TSHZ2: variants seen among roughly 807,000 people sequenced by gnomAD.
The protein encoded by TSHZ2 is teashirt homolog 2.
Under a neutral mutation model 74.4 loss-of-function variants are expected in TSHZ2, and 21 were observed. That is an observed-to-expected ratio of 0.28 (90% confidence interval 0.20 to 0.41). The LOEUF (loss-of-function observed/expected upper bound fraction) is 0.41, where lower values mean the gene tolerates loss of function less well. TSHZ2 is among the 10% of genes least tolerant of loss of function. TSHZ2 has a pLI of 1.00. For missense variants in TSHZ2, 1,244 were observed against 1,293.5 expected, an observed-to-expected ratio of 0.96 and a Z score of 0.59; for synonymous variants, 540 against 515.3, an observed-to-expected ratio of 1.05 and a Z score of -0.65.
At chr20:53,016,830 C>A (rs1362466429) in intron 1 of TSHZ2, among the ~76,000 whole-genome samples, 1 of 152,126 alleles carries the variant, frequency 6.6e-6, no homozygotes, top group Non-Finnish European at 1.5e-5. Context: ...CAGGTTGCAT[C>A]CCCATAAAGC....
intron 1 of TSHZ2, chr20:53,198,267 G>A (rs995586533): frequency 1.2e-4 from 19 of 152,130 alleles, no homozygotes; most frequent in Admixed American, 3.3e-4. Context: ...AGGTCATTAC[G>A]GGATTTTTGT....
chr20:53,232,828 A>G (rs1989858913), intron 1 of TSHZ2, among the ~76,000 whole-genome samples: 1 of 152,132 alleles, frequency 6.6e-6, no homozygotes, highest in Non-Finnish European at 1.5e-5. Flanking sequence ...TTTTTCATCC[A>G]TTCAACAATT....
At chr20:53,004,357 C>T (rs1010954691) in intron 1 of TSHZ2, among the ~76,000 whole-genome samples, 2 of 152,030 alleles carry the variant, frequency 1.3e-5, no homozygotes, top group African/African-American at 4.8e-5. Context: ...AAACTGATTC[C>T]CTAGTGAAGC....
chr20:53,169,130 G>A (rs1293849067), intron 1 of TSHZ2, among the ~76,000 whole-genome samples: 6 of 152,178 alleles, frequency 3.9e-5, no homozygotes, highest in Non-Finnish European at 1.5e-5. Context: ...TAAGTGGGAT[G>A]GATAGGTATC....
At chr20:53,453,717 A>G (rs1984917372) in intron 2 of TSHZ2, among the ~76,000 whole-genome samples, 1 of 152,202 alleles carries the variant, frequency 6.6e-6, no homozygotes, top group South Asian at 2.1e-4. Flanking sequence ...GTGACCACTC[A>G]TTTAGCCTCT....
chr20:53,168,239 A>T (rs1031994215), intron 1 of TSHZ2, among the ~76,000 whole-genome samples: 1 of 152,206 alleles, frequency 6.6e-6, no homozygotes, highest in Non-Finnish European at 1.5e-5. Flanking sequence ...ATATCGTCGG[A>T]CGTGTAGCCC....
intron 2 of TSHZ2, among the ~76,000 whole-genome samples, chr20:53,380,056 C>A (rs553779427): frequency 6.6e-6 from 1 of 151,918 alleles, no homozygotes; most frequent in East Asian, 1.9e-4. Context: ...GTTTACCCAG[C>A]GAAAGTAATT....
At chr20:53,113,506 C>G (rs6097238) in intron 1 of TSHZ2, among the ~76,000 whole-genome samples, 11,100 of 152,128 alleles carry the variant, frequency 0.073, 903 homozygotes, top group East Asian at 0.37. Flanking sequence ...TTGCTACTTG[C>G]CGATGCTGTG....
chr20:53,034,751 G>A (rs1983758649), intron 1 of TSHZ2, among the ~76,000 whole-genome samples: 1 of 152,226 alleles, frequency 6.6e-6, no homozygotes, highest in Non-Finnish European at 1.5e-5. Flanking sequence ...GTTTGCTCCA[G>A]GGTTCTTTTC....
chr20:53,016,369 C>T (rs950014589), intron 1 of TSHZ2, among the ~76,000 whole-genome samples: 3 of 152,170 alleles, frequency 2.0e-5, no homozygotes, highest in Non-Finnish European at 4.4e-5. Flanking sequence ...GTAGGTTCAC[C>T]ATGAGCTGGT....
chr20:53,446,329 C>T (rs112038721), intron 2 of TSHZ2, among the ~76,000 whole-genome samples: 2,293 of 150,580 alleles, frequency 0.015, 55 homozygotes, highest in African/African-American at 0.054. Flanking sequence ...TTTGGGAGGC[C>T]GAGGCGGGCA....
chr20:53,422,844 G>A (rs1054045299), intron 2 of TSHZ2, among the ~76,000 whole-genome samples: 33 of 152,024 alleles, frequency 2.2e-4, no homozygotes, highest in African/African-American at 7.3e-4. Context: ...AGGACTTCAC[G>A]AGCAACATGA....
At chr20:53,368,437 G>T (rs1047687433) in intron 2 of TSHZ2, among the ~76,000 whole-genome samples, 13 of 152,194 alleles carry the variant, frequency 8.5e-5, no homozygotes, top group African/African-American at 3.1e-4. Context: ...CAGAGTAGCT[G>T]GGATTACAGG....
At chr20:53,375,410 G>T (rs1029248910) in intron 2 of TSHZ2, among the ~76,000 whole-genome samples, 1 of 152,212 alleles carries the variant, frequency 6.6e-6, no homozygotes, top group African/African-American at 2.4e-5. Flanking sequence ...GAAATGACAG[G>T]ATGTGAGGGG....
chr20:53,464,974 T>C (rs77842439), intron 2 of TSHZ2, among the ~76,000 whole-genome samples: 1 of 152,296 alleles, frequency 6.6e-6, no homozygotes, highest in African/African-American at 2.4e-5. Flanking sequence ...AAAACATGGA[T>C]ACTTGAACTT....
At chr20:53,429,814 T>G (rs1983774650) in intron 2 of TSHZ2, among the ~76,000 whole-genome samples, 1 of 152,188 alleles carries the variant, frequency 6.6e-6, no homozygotes, top group Non-Finnish European at 1.5e-5. Flanking sequence ...TTTTAAAGCA[T>G]ATTCAATTGT....
intron 2 of TSHZ2, among the ~76,000 whole-genome samples, chr20:53,483,553 T>C (rs1260285180): frequency 1.3e-5 from 2 of 151,872 alleles, no homozygotes; most frequent in African/African-American, 4.8e-5. Flanking sequence ...AATTTTTAAT[T>C]AAAAAATTAA....
chr20:53,174,622 A>G (rs1017948078), intron 1 of TSHZ2, among the ~76,000 whole-genome samples: 1 of 152,200 alleles, frequency 6.6e-6, no homozygotes, highest in African/African-American at 2.4e-5. Context: ...CTGAGTTGTC[A>G]AGCCTGGCAC....
At chr20:53,441,353 C>T (rs562028173) in intron 2 of TSHZ2, among the ~76,000 whole-genome samples, 1 of 151,632 alleles carries the variant, frequency 6.6e-6, no homozygotes, top group East Asian at 1.9e-4. Context: ...GCAAGCTCCA[C>T]CTCCTGGGTT....
Sources: allele counts gnomAD v4.1 joint callset (sites outside exome capture counted in the v4.1 genomes callset), GRCh38; gene constraint gnomAD v4.1.1; transcripts MANE v1.5; gene names NCBI Gene and HGNC (gene_info 2026-07-23, HGNC 2026-07-21).